The following NRXN1 variants were observed in gnomAD, a reference collection of about 807,000 sequenced individuals.
NRXN1 encodes neurexin-1.
Under a neutral mutation model 150.9 loss-of-function variants are expected in NRXN1, and 39 were observed. The observed-to-expected ratio is 0.26, with a 90% CI of 0.20 to 0.34. NRXN1 has a LOEUF of 0.34. Ranked by LOEUF, NRXN1 falls within the 10% of genes least tolerant of loss-of-function variation. NRXN1 has a pLI of 1.00. For missense variants in NRXN1, 1,815 were observed against 1,949.9 expected (o/e 0.93, Z 1.30); for synonymous variants, 924 against 757.0 (o/e 1.22, Z -3.62).
intron 12 of NRXN1, among the ~76,000 whole-genome samples, chr2:50,508,044 T>TA (rs1173858543): frequency 6.6e-6 from 1 of 152,204 alleles, no homozygotes; most frequent in Non-Finnish European, 1.5e-5. Flanking sequence ...GAGAACCAAG[T>TA]AAAATAAACC....
At chr2:50,739,331 CAG>C in intron 5 of NRXN1, 3 of 430,140 alleles carry the variant, frequency 7.0e-6, no homozygotes, top group South Asian at 5.1e-5. Flanking sequence ...TGACTGAAAA[CAG>C]AAAATACTAG....
intron 21 of NRXN1, among the ~76,000 whole-genome samples, chr2:50,005,530 C>T (rs1452538676): frequency 2.6e-5 from 4 of 152,152 alleles, no homozygotes; most frequent in Non-Finnish European, 5.9e-5. Flanking sequence ...AGGCTTCATA[C>T]TGTGGAATGT....
intron 18 of NRXN1, among the ~76,000 whole-genome samples, chr2:50,142,937 C>T (rs1476664992): frequency 6.6e-6 from 1 of 151,756 alleles, no homozygotes; most frequent in Admixed American, 6.6e-5. Flanking sequence ...AGACTGTTTG[C>T]CAGTCTGAAC....
At chr2:50,483,474 G>C (rs1573185982) in intron 15 of NRXN1, among the ~76,000 whole-genome samples, 1 of 151,986 alleles carries the variant, frequency 6.6e-6, no homozygotes, top group African/African-American at 2.4e-5. Context: ...GTTCTTTCTT[G>C]CACAAGGTTC....
At chr2:50,458,007 A>G (rs2087751944) in intron 17 of NRXN1, among the ~76,000 whole-genome samples, 1 of 152,186 alleles carries the variant, frequency 6.6e-6, no homozygotes, top group South Asian at 2.1e-4. Context: ...AAAGGAAATC[A>G]GTATATCGAA....
At chr2:50,259,502 GA>G (rs1294583276) in intron 17 of NRXN1, among the ~76,000 whole-genome samples, 2 of 151,780 alleles carry the variant, frequency 1.3e-5, no homozygotes, top group African/African-American at 4.8e-5. Context: ...AGTGTACATG[GA>G]AGACTTTTTT....
chr2:50,355,374 A>C (rs1246738889), intron 17 of NRXN1, among the ~76,000 whole-genome samples: 1 of 151,642 alleles, frequency 6.6e-6, no homozygotes. Context: ...TGACTATTCT[A>C]CTATCAAGAC....
At chr2:50,165,823 T>C (rs1340436243) in intron 18 of NRXN1, among the ~76,000 whole-genome samples, 1 of 152,222 alleles carries the variant, frequency 6.6e-6, no homozygotes, top group Non-Finnish European at 1.5e-5. Flanking sequence ...TTAACCTATA[T>C]ATTACATTCA....
chr2:50,143,477 A>G (rs1707563215), intron 18 of NRXN1, among the ~76,000 whole-genome samples: 1 of 152,020 alleles, frequency 6.6e-6, no homozygotes, highest in Admixed American at 6.6e-5. Context: ...TGATTTAAGT[A>G]TAATTAAAAT....
At chr2:51,024,580 G>C (rs948144376) in intron 2 of NRXN1, among the ~76,000 whole-genome samples, 1 of 152,004 alleles carries the variant, frequency 6.6e-6, no homozygotes, top group African/African-American at 2.4e-5. Context: ...CAAACACAAA[G>C]CCAGGATGAA....
intron 5 of NRXN1, among the ~76,000 whole-genome samples, chr2:50,774,947 C>T (rs1281278127): frequency 6.6e-6 from 1 of 152,150 alleles, no homozygotes; most frequent in Non-Finnish European, 1.5e-5. Context: ...AAACTTTATG[C>T]ATCTACTTAT....
At chr2:50,123,256 G>A (rs1483018187) in intron 18 of NRXN1, among the ~76,000 whole-genome samples, 7 of 152,158 alleles carry the variant, frequency 4.6e-5, no homozygotes, top group Non-Finnish European at 2.9e-5. Flanking sequence ...TGAGCAGGTG[G>A]CACTGAAAGA....
At chr2:50,512,777 A>G (rs891103570) in intron 12 of NRXN1, among the ~76,000 whole-genome samples, 1 of 152,218 alleles carries the variant, frequency 6.6e-6, no homozygotes, top group Non-Finnish European at 1.5e-5. Flanking sequence ...TATTCAAAAA[A>G]TATTGTTCTA....
chr2:50,334,884 A>G (rs1401732242), intron 17 of NRXN1, among the ~76,000 whole-genome samples: 1 of 152,220 alleles, frequency 6.6e-6, no homozygotes, highest in African/African-American at 2.4e-5. Context: ...TAATCATATC[A>G]GCTTCTTGTC....
chr2:50,660,661 G>T (rs751318858), intron 5 of NRXN1, among the ~76,000 whole-genome samples: 1 of 151,996 alleles, frequency 6.6e-6, no homozygotes, highest in Admixed American at 6.6e-5. Flanking sequence ...CCGACTGCTG[G>T]TTTACAGCAA....
rs755177932 is a variant in NRXN1, at chr2:50,531,363, C to T, written c.2211G>A (p.Thr737=). ...ACCGTAAGGAAACATCCTCAGCCTCCGTATGCATGACTACGGGGAGCTGAA... is the reference window on the plus strand; with the variant it reads ...ACCGTAAGGAAACATCCTCAGCCTCTGTATGCATGACTACGGGGAGCTGAA... ...MKIQLPVVMH[T]EAEDVSLRFR... Residue 737 remains threonine (T), a synonymous_variant, in exon 11 of 23, where the codon ACG becomes ACA. Coordinates refer to ENST00000401669, the MANE Select transcript of NRXN1 (RefSeq NM_001330078.2). 24 of 1,612,962 alleles carry T rather than the reference C, an allele frequency of 1.5e-5. No homozygotes were observed. The highest frequency in any genetic ancestry group is 6.7e-5 in the East Asian group (3 of 44,826).
chr2:50,545,076 A>T (rs979956522), intron 9 of NRXN1, among the ~76,000 whole-genome samples: 2 of 152,158 alleles, frequency 1.3e-5, no homozygotes, highest in African/African-American at 4.8e-5. Flanking sequence ...GGAATTTTTC[A>T]ACGCCAAATT....
chr2:50,172,273 AT>A (rs1189524693), intron 18 of NRXN1, among the ~76,000 whole-genome samples: 1 of 152,094 alleles, frequency 6.6e-6, no homozygotes, highest in Non-Finnish European at 1.5e-5. Flanking sequence ...CCTGTACCCT[AT>A]TTTTTAGCAC....
chr2:50,750,987 TTGAAAAAATAA>T, intron 5 of NRXN1, among the ~76,000 whole-genome samples: 1 of 152,018 alleles, frequency 6.6e-6, no homozygotes, highest in East Asian at 2.0e-4. Flanking sequence ...AGAACAAATT[TTGAAAAAATAA>T]GACAAAAGAA....
Sources: allele counts gnomAD v4.1 joint callset (sites outside exome capture counted in the v4.1 genomes callset), GRCh38; gene constraint gnomAD v4.1.1; transcripts MANE v1.5; gene names NCBI Gene and HGNC (gene_info 2026-07-23, HGNC 2026-07-21).